The following DLG2 variants were observed in gnomAD, a reference collection of about 807,000 sequenced individuals.
DLG2 encodes discs large MAGUK scaffold protein 2, also known as disks large homolog 2.
A neutral mutation model predicts 132.5 loss-of-function variants in DLG2; 45 were observed. The ratio of observed to expected loss-of-function variants is 0.34; its 90% CI spans 0.27 to 0.44. DLG2 has a LOEUF of 0.44. Among genes scored for constraint, DLG2 ranks in the 20% least tolerant of loss-of-function variants. The pLI is 1.00. For synonymous variants in DLG2, 424 were observed against 419.6 expected, an observed-to-expected ratio of 1.01 and a Z score of -0.13; for missense variants, 1,045 against 1,196.9, an observed-to-expected ratio of 0.87 and a Z score of 1.87.
chr11:84,714,639 C>CTCTT (rs1565750848), intron 6 of DLG2, among the ~76,000 whole-genome samples: 4 of 141,504 alleles, frequency 2.8e-5, no homozygotes, highest in Non-Finnish European at 6.1e-5. Context: ...CTCTCTCTCT[C>CTCTT]TCTCTCTTTC....
At chr11:84,408,693 TTGCAC>T (rs949255808) in intron 7 of DLG2, among the ~76,000 whole-genome samples, 14 of 152,202 alleles carry the variant, frequency 9.2e-5, no homozygotes, top group Non-Finnish European at 1.9e-4. Context: ...ACATCTGTGA[TTGCAC>T]AGGTAGCCCT....
intron 6 of DLG2, among the ~76,000 whole-genome samples, chr11:85,022,654 C>T (rs1053081014): frequency 1.3e-5 from 2 of 152,086 alleles, no homozygotes; most frequent in African/African-American, 4.8e-5. Context: ...ATAGTGTTTT[C>T]AGAAGTATTG....
At chr11:85,497,309 A>C (rs1383028684) in intron 3 of DLG2, among the ~76,000 whole-genome samples, 4 of 151,870 alleles carry the variant, frequency 2.6e-5, no homozygotes, top group African/African-American at 9.7e-5. Flanking sequence ...CAATTTGATC[A>C]AGCAGAAGAA....
At chr11:83,835,609 C>T (rs2055920397) in intron 16 of DLG2, among the ~76,000 whole-genome samples, 3 of 152,148 alleles carry the variant, frequency 2.0e-5, no homozygotes, top group African/African-American at 4.8e-5. Flanking sequence ...GAATGGTAAA[C>T]AATGAAGTCA....
At chr11:83,545,510 C>G (rs2096216394) in intron 19 of DLG2, among the ~76,000 whole-genome samples, 1 of 152,018 alleles carries the variant, frequency 6.6e-6, no homozygotes, top group Non-Finnish European at 1.5e-5. Context: ...TGTGCCGGAC[C>G]CAAAGTAGAC....
chr11:84,671,924 T>C (rs146909098), intron 6 of DLG2, among the ~76,000 whole-genome samples: 2 of 152,276 alleles, frequency 1.3e-5, no homozygotes, highest in East Asian at 3.9e-4. Context: ...CATTTCTGTG[T>C]TCCCTGGATG....
intron 6 of DLG2, among the ~76,000 whole-genome samples, chr11:84,768,569 G>T (rs1347930562): frequency 1.3e-5 from 2 of 152,092 alleles, no homozygotes; most frequent in Admixed American, 6.6e-5. Flanking sequence ...AAATGTGACT[G>T]AAATATATTC....
intron 3 of DLG2, among the ~76,000 whole-genome samples, chr11:85,428,374 G>A (rs1016969612): frequency 6.6e-6 from 1 of 152,166 alleles, no homozygotes; most frequent in South Asian, 2.1e-4. Flanking sequence ...CACTTAGTCG[G>A]AAGTAAAGCA....
At chr11:84,801,421 A>G (rs549983887) in intron 6 of DLG2, among the ~76,000 whole-genome samples, 1 of 152,212 alleles carries the variant, frequency 6.6e-6, no homozygotes, top group Non-Finnish European at 1.5e-5. Flanking sequence ...AATACGAAAA[A>G]CTAGCCGGGT....
rs79459704 is a variant in DLG2, at chr11:85,367,483, T to C, written c.41-82118A>G. On this transcript the variant is annotated intron_variant, in intron 3 of 27. Transcript: ENST00000376104. ...ACCACACAGTAAGCACTTGAAAATG[T>C]TAGCCAAATATAAATATTATGGCAC... Among the ~76,000 whole-genome samples, 81 of 152,292 alleles carry C rather than the reference T, an allele frequency of 5.3e-4. No individual in the cohort carries two copies. The East Asian group carries it at 0.014, about 26-fold the overall frequency.
chr11:84,542,898 C>CT (rs1179989638), intron 6 of DLG2, among the ~76,000 whole-genome samples: 2 of 131,330 alleles, frequency 1.5e-5, no homozygotes, highest in Non-Finnish European at 3.4e-5. Flanking sequence ...TGTTTAAACA[C>CT]TTTGACATTT....
intron 6 of DLG2, among the ~76,000 whole-genome samples, chr11:84,784,670 A>G (rs1458863999): frequency 6.6e-6 from 1 of 152,058 alleles, no homozygotes; most frequent in East Asian, 1.9e-4. Context: ...ACCAACAAAA[A>G]TTCTTTAAAA....
chr11:85,373,664 CTCTA>C (rs2085167168), intron 3 of DLG2, among the ~76,000 whole-genome samples: 1 of 152,164 alleles, frequency 6.6e-6, no homozygotes, highest in Admixed American at 6.5e-5. Flanking sequence ...GCAGGAAGCA[CTCTA>C]TCTAGCAAAG....
chr11:85,534,521 A>G (rs1367016412), intron 3 of DLG2, among the ~76,000 whole-genome samples: 1 of 152,044 alleles, frequency 6.6e-6, no homozygotes, highest in African/African-American at 2.4e-5. Flanking sequence ...TGGAGTCCCC[A>G]GTGTCTATTG....
chr11:84,335,062 A>G lies in DLG2; in HGVS notation c.520-83771T>C, dbSNP rs1229876293. The stretch of plus-strand genomic sequence containing the variant: ...AAATATATGATTTAATACTATTTAA[A>G]AACTGATGCCATCCAGAACTAAGTC... On this transcript the variant is annotated intron_variant, in intron 7 of 27. Transcript: ENST00000376104. 2.8e-4 allele frequency among the ~76,000 whole-genome samples: 43 copies of G among 151,910 alleles called. 1 individual carries two copies. Among genetic ancestry groups the G allele is most frequent in the Admixed American group, 2.8e-3 (43 of 15,248 alleles).
chr11:85,398,593 G>T (rs1036298480), intron 3 of DLG2, among the ~76,000 whole-genome samples: 1 of 151,912 alleles, frequency 6.6e-6, no homozygotes, highest in Non-Finnish European at 1.5e-5. Context: ...ATGATAAAGG[G>T]GATATCACCA....
chr11:84,939,158 C>T (rs2049088515), intron 6 of DLG2, among the ~76,000 whole-genome samples: 1 of 151,928 alleles, frequency 6.6e-6, no homozygotes, highest in African/African-American at 2.4e-5. Flanking sequence ...CTTATAGCTC[C>T]CCAAAGATAT....
At chr11:85,619,726 C>A (rs1029437846) in intron 2 of DLG2, among the ~76,000 whole-genome samples, 3 of 151,884 alleles carry the variant, frequency 2.0e-5, no homozygotes, top group Non-Finnish European at 2.9e-5. Context: ...CCCAGCTACT[C>A]GGCAGGCTGA....
At chr11:85,557,702 G>A (rs1437738677) in intron 3 of DLG2, among the ~76,000 whole-genome samples, 2 of 151,820 alleles carry the variant, frequency 1.3e-5, no homozygotes, top group African/African-American at 4.8e-5. Context: ...ACAAGCAATG[G>A]AGAAAGGACT....
Sources: gnomAD v4.1 joint callset for allele counts (sites outside exome capture counted in the v4.1 genomes callset) on GRCh38, gnomAD v4.1.1 for gene constraint, MANE v1.5 for transcripts, NCBI Gene and HGNC (gene_info 2026-07-23, HGNC 2026-07-21) for gene names.